HMG20B: variants seen among roughly 807,000 people sequenced by gnomAD.
The protein encoded by HMG20B is high mobility group 20B, also known as SWI/SNF-related matrix-associated actin-dependent regulator of chromatin subfamily E member 1-related.
Under a neutral mutation model 41.6 loss-of-function variants are expected in HMG20B, and 24 were observed. That is an observed-to-expected ratio of 0.58 (90% CI 0.42 to 0.81). HMG20B has a LOEUF of 0.81. Ranked by LOEUF, HMG20B falls within the 30% of genes least tolerant of loss-of-function variation. The probability of loss-of-function intolerance (pLI) is 0.00; values close to 1 mark genes in which losing one functional copy is unlikely to be tolerated. For synonymous variants in HMG20B, 251 were observed against 186.6 expected (o/e 1.34, Z -2.81); for missense variants, 461 against 444.0 (o/e 1.04, Z -0.34).
rs540625555 is a variant in HMG20B at position 3,576,019 on chromosome 19, G to C, written c.473-242G>C. On this transcript the variant is annotated intron_variant, in intron 5 of 9. Transcript: ENST00000333651. ...CGAGCAGTTGGGGTCCTGCTCTGTG[G>C]GGTGCGACCTCAGCCCAGGCAGGGC... The C allele has an allele frequency of 4.5e-4, 264 of 588,880 alleles. 3 individuals carry two copies. In the Admixed American group the frequency reaches 7.8e-3, roughly 17 times the overall value. The allele number at this position is 588,880 out of a possible 1,614,324, so 36.5% of individuals were successfully genotyped here. A position where few individuals can be genotyped will look rare whatever the true frequency, so the allele number is the denominator to read the frequency against.
rs1027036293 is a variant in HMG20B, at chr19:3,573,791, CGAG to C, written c.146_147+1del. The C allele has an allele frequency of 1.3e-5, 21 of 1,581,624 alleles. No homozygotes were observed. The highest frequency in any genetic ancestry group is 1.7e-5 in the Non-Finnish European group (20 of 1,167,658). On this transcript the variant is annotated inframe_deletion, in exon 3 of 10. Coordinates refer to ENST00000333651, the MANE Select transcript of HMG20B (RefSeq NM_006339.3). ...CACGCGCGGGCGAGAAGGGGTCCCACGAGGAGGAGGTGAGAGTCCCTGCGCTGA... is the reference window on the plus strand; with the variant it reads ...CACGCGCGGGCGAGAAGGGGTCCCACGAGGAGGTGAGAGTCCCTGCGCTGA...
chr19:3,575,985 G>A (rs1170528663), intron 5 of HMG20B: 2 of 561,058 alleles, frequency 3.6e-6, no homozygotes, highest in Non-Finnish European at 6.3e-6. Context: ...AAGGTGGGAG[G>A]GGCCGGTGCG....
chr19:3,573,451 C>T (rs542952568), intron 2 of HMG20B, 104 bp downstream of exon 2: 2 of 1,256,574 alleles, frequency 1.6e-6, no homozygotes, highest in East Asian at 2.9e-5. Flanking sequence ...TTGACTCCCC[C>T]ACCTGGGTCA....
chr19:3,573,106 G>A, intron 1 of HMG20B, 112 bp downstream of exon 1: 1 of 513,766 alleles, frequency 1.9e-6, no homozygotes, highest in Non-Finnish European at 3.4e-6. Context: ...GCCTCCCGGG[G>A]GGGGCAATCG....
At chr19:3,577,231 CCA>C in intron 8 of HMG20B, 124 bp downstream of exon 8, 3 of 709,328 alleles carry the variant, frequency 4.2e-6, no homozygotes, top group Admixed American at 6.4e-5. Context: ...CCCCTCTTCC[CCA>C]GTCACCCGGC....
At chr19:3,573,845 C>A (rs1373299945) in intron 3 of HMG20B, 45 bp downstream of exon 3, 3 of 1,510,882 alleles carry the variant, frequency 2.0e-6, no homozygotes, top group Non-Finnish European at 2.7e-6. Flanking sequence ...GGGCTCCCGC[C>A]CCAGCCTCGA....
At chr19:3,573,075 G>A (rs555051848) in intron 1 of HMG20B, 81 bp downstream of exon 1, 17 of 489,832 alleles carry the variant, frequency 3.5e-5, no homozygotes, top group Admixed American at 1.7e-4. Context: ...GTCTTTCCTG[G>A]CCCGGGGGAA....
Position 3,579,061 on chromosome 19 carries a change from A to AC in HMG20B, c.*540_*541insC, listed in dbSNP as rs1373986252. The AC allele has an allele frequency of 2.4e-5, 8 of 336,072 alleles. No individual in the cohort carries two copies. Among genetic ancestry groups the AC allele is most frequent in the Non-Finnish European group, 4.1e-5 (7 of 169,106 alleles). The allele number at this position is 336,072 out of a possible 1,614,324, so 20.8% of individuals were successfully genotyped here. On this transcript the variant is annotated 3_prime_UTR_variant, in exon 10 of 10. Transcript: ENST00000333651. The surrounding 1 kb of genome is among the most constrained non-coding windows in gnomAD (Gnocchi z 7.4). ...GCTGGATCCGGACTTTTTAAATAAA[A>AC]ACAAGTAAAATTTGTGTTTTAAGCT...
chr19:3,575,488 T>C, intron 4 of HMG20B, 52 bp from the exon 5 acceptor site: 2 of 1,553,150 alleles, frequency 1.3e-6, no homozygotes, highest in Non-Finnish European at 1.7e-6. Flanking sequence ...AAAGACTGGA[T>C]CCTGGCGTTG....
intron 9 of HMG20B, 58 bp from the exon 10 acceptor site, chr19:3,578,451 C>G: frequency 6.8e-7 from 1 of 1,467,614 alleles, no homozygotes; most frequent in Middle Eastern, 2.5e-4. Context: ...TCCCCAGGGC[C>G]GGGGTGGGGG....
chr19:3,574,712 C>T (rs1169800635), intron 4 of HMG20B, 126 bp downstream of exon 4: 3 of 791,268 alleles, frequency 3.8e-6, no homozygotes, highest in East Asian at 2.7e-5. Context: ...CACCCATAAC[C>T]AACTTTTTTT....
chr19:3,574,215 C>G, intron 3 of HMG20B, 168 bp from the exon 4 acceptor site: 1 of 651,694 alleles, frequency 1.5e-6, no homozygotes, highest in Non-Finnish European at 2.7e-6. Context: ...TCTAACCCAC[C>G]GTGTCCCGAC....
In HMG20B at chr19:3,575,670, G is replaced by T; in HGVS notation, c.472+10G>T. On this transcript the variant is annotated intron_variant, in intron 5 of 9. Transcript: ENST00000333651. ...AAGAAGATCAAGAAAGGTGGGAGGG[G>T]TCGGGCGCGGTGGCTCACGCCTGTC... 1 of 1,548,904 alleles carries T rather than the reference G, an allele frequency of 6.5e-7. No homozygotes were observed. Among genetic ancestry groups the T allele is most frequent in the Admixed American group, 2.0e-5 (1 of 50,982 alleles).
At chr19:3,578,478 C>T (rs1476660751) in intron 9 of HMG20B, 31 bp from the exon 10 acceptor site, 2 of 1,508,520 alleles carry the variant, frequency 1.3e-6, no homozygotes, top group South Asian at 1.3e-5. Flanking sequence ...ATGATGAGGG[C>T]CTCATCCCGG....
chr19:3,577,666 C>T (rs2032200919), intron 8 of HMG20B, among the ~76,000 whole-genome samples: 1 of 143,850 alleles, frequency 7.0e-6, no homozygotes, highest in Non-Finnish European at 1.5e-5. Context: ...CCTCCACCAC[C>T]CCAGTCACGT....
Position 3,577,117 on chromosome 19 carries a change from A to G in HMG20B, c.808+10A>G, listed in dbSNP as rs1398624017. Reference sequence around the variant, plus strand: ...TCACTGCCGGTGCCGGGTGCGGGCCACGCCCATCTCCCAGTCCCGCCCCGG... The same window carrying G: ...TCACTGCCGGTGCCGGGTGCGGGCCGCGCCCATCTCCCAGTCCCGCCCCGG... On this transcript the variant is annotated intron_variant, in intron 8 of 9. Transcript: ENST00000333651. 1 of 1,514,682 alleles carries G rather than the reference A, an allele frequency of 6.6e-7. No homozygotes were observed. Among genetic ancestry groups the G allele is most frequent in the Admixed American group, 2.0e-5 (1 of 49,606 alleles). The allele number at this position is 1,514,682 out of a possible 1,614,324, so 93.8% of individuals were successfully genotyped here.
intron 2 of HMG20B, 100 bp from the exon 3 acceptor site, chr19:3,573,592 C>T (rs1219382068): frequency 1.3e-5 from 15 of 1,123,330 alleles, no homozygotes; most frequent in East Asian, 2.9e-5. Flanking sequence ...CATGCACTCT[C>T]GCTGCAGCCC....
chr19:3,573,807 G>C lies in HMG20B; in HGVS notation c.147+7G>C. 1 of 1,593,162 alleles carries C rather than the reference G, an allele frequency of 6.3e-7. No homozygotes were observed. The highest frequency in any genetic ancestry group is 8.5e-7 in the Non-Finnish European group (1 of 1,172,756). ...GGGGTCCCACGAGGAGGAGGTGAGA[G>C]TCCCTGCGCTGAGCTGGGGGAGGCC... On this transcript the variant is annotated splice_region_variant and intron_variant, in intron 3 of 9. Coordinates refer to ENST00000333651, the MANE Select transcript of HMG20B (RefSeq NM_006339.3).
At chr19:3,577,871 C>G in intron 8 of HMG20B, 110 bp from the exon 9 acceptor site, 1 of 1,004,234 alleles carries the variant, frequency 1.0e-6, no homozygotes, top group Admixed American at 2.6e-5. Context: ...GGTGTCCGGA[C>G]CTCTGAGCGC....
Sources: gnomAD v4.1 joint callset for allele counts (sites outside exome capture counted in the v4.1 genomes callset) on GRCh38, gnomAD v4.1.1 for gene constraint, Gnocchi (gnomAD v3.1) non-coding constraint, MANE v1.5 for transcripts, NCBI Gene and HGNC (gene_info 2026-07-23, HGNC 2026-07-21) for gene names.